The following ZSWIM6 variants were observed in gnomAD, a reference collection of about 807,000 sequenced individuals.
ZSWIM6 encodes zinc finger SWIM domain-containing protein 6.
A neutral mutation model predicts 113.2 loss-of-function variants in ZSWIM6; 9 were observed. The ratio of observed to expected loss-of-function variants is 0.08; its 90% CI spans 0.05 to 0.14. The LOEUF is 0.14. ZSWIM6 is among the 10% of genes least tolerant of loss of function. The pLI is 1.00. For synonymous variants in ZSWIM6, 611 were observed against 606.5 expected (o/e 1.01, Z -0.11); for missense variants, 1,162 against 1,552.2 (o/e 0.75, Z 4.22).
chr5:61,501,875 C>A (rs1262766174), intron 4 of ZSWIM6, among the ~76,000 whole-genome samples: 2 of 152,210 alleles, frequency 1.3e-5, no homozygotes, highest in African/African-American at 4.8e-5. Context: ...AAGGTGTCCT[C>A]TTCTTTCTCA....
At chr5:61,419,948 G>A (rs1746323694) in intron 1 of ZSWIM6, among the ~76,000 whole-genome samples, 1 of 152,192 alleles carries the variant, frequency 6.6e-6, no homozygotes, top group Admixed American at 6.5e-5. Context: ...ATCCAACTTT[G>A]CCCTTTACTA....
chr5:61,336,890 G>A (rs1744411091), intron 1 of ZSWIM6, among the ~76,000 whole-genome samples: 1 of 152,216 alleles, frequency 6.6e-6, no homozygotes, highest in Admixed American at 6.5e-5. Flanking sequence ...TTGTCAAGAA[G>A]AGAGATGGAT....
At chr5:61,470,392 T>C (rs74678313) in intron 1 of ZSWIM6, among the ~76,000 whole-genome samples, 1,874 of 152,316 alleles carry the variant, frequency 0.012, 25 homozygotes, top group Non-Finnish European at 0.019. Flanking sequence ...GACTCTCTCT[T>C]ATGCTCCCTT....
At chr5:61,377,027 T>TAA (rs35288340) in intron 1 of ZSWIM6, among the ~76,000 whole-genome samples, 16 of 150,330 alleles carry the variant, frequency 1.1e-4, no homozygotes, top group Non-Finnish European at 1.6e-4. Flanking sequence ...ATGTAATGTT[T>TAA]AAAAAAAAAA....
intron 2 of ZSWIM6, among the ~76,000 whole-genome samples, chr5:61,480,105 G>A (rs1747815347): frequency 6.6e-6 from 1 of 152,010 alleles, no homozygotes; most frequent in Non-Finnish European, 1.5e-5. Flanking sequence ...ATAAGTAATG[G>A]AAAATAACTT....
At chr5:61,383,457 G>A (rs1317590490) in intron 1 of ZSWIM6, among the ~76,000 whole-genome samples, 1 of 152,172 alleles carries the variant, frequency 6.6e-6, no homozygotes, top group African/African-American at 2.4e-5. Flanking sequence ...TTGAGTGAAT[G>A]AAGACCAGGA....
At chr5:61,539,300 C>T (rs1483498513) in intron 11 of ZSWIM6, among the ~76,000 whole-genome samples, 2 of 152,172 alleles carry the variant, frequency 1.3e-5, no homozygotes, top group Non-Finnish European at 2.9e-5. Context: ...ACTAGGAGAG[C>T]TGTTGCTGTC....
intron 1 of ZSWIM6, among the ~76,000 whole-genome samples, chr5:61,348,145 C>T (rs894962103): frequency 2.6e-5 from 4 of 152,104 alleles, no homozygotes; most frequent in Non-Finnish European, 5.9e-5. Context: ...GGCGTCAACC[C>T]GGGAGGTGGA....
chr5:61,479,476 A>T (rs1193272256), intron 2 of ZSWIM6, among the ~76,000 whole-genome samples: 1 of 152,076 alleles, frequency 6.6e-6, no homozygotes, highest in Non-Finnish European at 1.5e-5. Context: ...ACACCATCCC[A>T]ACCCTCATAA....
intron 1 of ZSWIM6, chr5:61,375,818 A>C: frequency 8.0e-7 from 1 of 1,253,950 alleles, no homozygotes; most frequent in Non-Finnish European, 1.1e-6. Flanking sequence ...AAGAAGAAGA[A>C]AAAGAAGGCT....
At chr5:61,533,908 TC>T (rs1460418700) in intron 9 of ZSWIM6, among the ~76,000 whole-genome samples, 1 of 152,214 alleles carries the variant, frequency 6.6e-6, no homozygotes. Context: ...AGGGCACTCT[TC>T]CTGTCTTGAA....
chr5:61,382,899 A>G (rs1381565468), intron 1 of ZSWIM6, among the ~76,000 whole-genome samples: 5 of 152,244 alleles, frequency 3.3e-5, no homozygotes, highest in Non-Finnish European at 7.3e-5. Context: ...GAGCTAATTT[A>G]TAGCAGATTA....
chr5:61,529,131 C>T (rs1266928486), intron 7 of ZSWIM6, among the ~76,000 whole-genome samples: 3 of 152,136 alleles, frequency 2.0e-5, no homozygotes, highest in Non-Finnish European at 2.9e-5. Context: ...CGCTTGAACC[C>T]GGGAGGTGGA....
chr5:61,369,785 C>T (rs925229728), intron 1 of ZSWIM6, among the ~76,000 whole-genome samples: 5 of 152,118 alleles, frequency 3.3e-5, no homozygotes, highest in Non-Finnish European at 7.4e-5. Context: ...CAGAAACTGT[C>T]AGTCTAGTAG....
intron 1 of ZSWIM6, among the ~76,000 whole-genome samples, chr5:61,363,989 C>T (rs1450284100): frequency 6.8e-6 from 1 of 146,018 alleles, no homozygotes; most frequent in Non-Finnish European, 1.5e-5. Flanking sequence ...TCCCTCCCTC[C>T]CTTTCCTTCT....
chr5:61,434,205 A>T (rs1189748947), intron 1 of ZSWIM6, among the ~76,000 whole-genome samples: 5 of 147,728 alleles, frequency 3.4e-5, no homozygotes, highest in East Asian at 1.9e-4. Flanking sequence ...ATATATGTAT[A>T]ATATATATAA....
chr5:61,447,592 G>A (rs1038868931), intron 1 of ZSWIM6, among the ~76,000 whole-genome samples: 7 of 152,090 alleles, frequency 4.6e-5, no homozygotes, highest in African/African-American at 1.7e-4. Context: ...AGAGAGAGAC[G>A]AAAACCCACC....
intron 1 of ZSWIM6, among the ~76,000 whole-genome samples, chr5:61,441,388 A>G (rs1746830610): frequency 1.3e-5 from 2 of 152,118 alleles, no homozygotes; most frequent in Non-Finnish European, 2.9e-5. Context: ...AATATAAATC[A>G]TCTGTGTTTA....
chr5:61,484,702 C>T (rs950071092), intron 2 of ZSWIM6, among the ~76,000 whole-genome samples: 1 of 152,156 alleles, frequency 6.6e-6, no homozygotes, highest in African/African-American at 2.4e-5. Flanking sequence ...GTCCTTAAAG[C>T]TTTCTGTAAA....
Sources: gnomAD v4.1 joint callset for allele counts (sites outside exome capture counted in the v4.1 genomes callset) on GRCh38, gnomAD v4.1.1 for gene constraint, MANE v1.5 for transcripts, NCBI Gene and HGNC (gene_info 2026-07-23, HGNC 2026-07-21) for gene names.